Variants in MCU observed in about 807,000 individuals in gnomAD.
MCU encodes calcium uniporter protein, mitochondrial.
Under a neutral mutation model 45.2 loss-of-function variants are expected in MCU, and 12 were observed. The observed-to-expected ratio is 0.27, with a 90% CI of 0.17 to 0.43. The LOEUF (loss-of-function observed/expected upper bound fraction) is 0.43, where lower values mean the gene tolerates loss of function less well. MCU is among the 20% of genes least tolerant of loss of function. The probability of loss-of-function intolerance (pLI) is 1.00; values close to 1 mark genes in which losing one functional copy is unlikely to be tolerated. For synonymous variants in MCU, 160 were observed against 165.1 expected (o/e 0.97, Z 0.24); for missense variants, 324 against 436.7 (o/e 0.74, Z 2.30).
intron 4 of MCU, among the ~76,000 whole-genome samples, chr10:72,866,066 C>T (rs1195953938): frequency 1.3e-5 from 2 of 152,118 alleles, no homozygotes; most frequent in South Asian, 2.1e-4. Flanking sequence ...TGTGAGCCAC[C>T]ACGCCCGGCC....
intron 1 of MCU, among the ~76,000 whole-genome samples, chr10:72,779,276 A>G (rs1009110039): frequency 6.6e-6 from 1 of 152,158 alleles, no homozygotes; most frequent in Non-Finnish European, 1.5e-5. Context: ...CCTCAGAAGT[A>G]TATTTTCACA....
chr10:72,806,627 C>T lies in MCU; in HGVS notation c.151-27732C>T, dbSNP rs149638887. Among the ~76,000 whole-genome samples, 1,400 of 152,096 alleles carry T rather than the reference C, an allele frequency of 9.2e-3. 5 individuals carry two copies. The highest frequency in any genetic ancestry group is 0.015 in the Admixed American group (232 of 15,272). ...TGCATTCTAGTGGTGGTGTAGGCAG[C>T]GGGGAAGAGGGTGGGAACAATAAAT... On this transcript the variant is annotated intron_variant, in intron 1 of 7. Transcript: ENST00000373053.
chr10:72,777,331 T>TA (rs1235989202), intron 1 of MCU, among the ~76,000 whole-genome samples: 2 of 152,210 alleles, frequency 1.3e-5, no homozygotes, highest in Non-Finnish European at 2.9e-5. Flanking sequence ...AATAGCGTGA[T>TA]ACTGGCTTAA....
intron 1 of MCU, among the ~76,000 whole-genome samples, chr10:72,701,574 T>G (rs1842758826): frequency 6.6e-6 from 1 of 152,166 alleles, no homozygotes; most frequent in Non-Finnish European, 1.5e-5. Context: ...TCGCCCAGGC[T>G]GGAGTGCAGT....
intron 4 of MCU, chr10:72,861,844 C>A (rs1845381961): frequency 1.0e-5 from 3 of 288,992 alleles, no homozygotes; most frequent in Non-Finnish European, 2.0e-5. Flanking sequence ...AGAGTTAATG[C>A]AAAAAATGCA....
At chr10:72,790,093 A>G (rs1017550809) in intron 1 of MCU, among the ~76,000 whole-genome samples, 2 of 152,216 alleles carry the variant, frequency 1.3e-5, no homozygotes, top group African/African-American at 4.8e-5. Flanking sequence ...AACTTGTTCT[A>G]TGCCATGCAC....
chr10:72,710,293 T>C (rs1842875353), intron 1 of MCU, among the ~76,000 whole-genome samples: 1 of 152,166 alleles, frequency 6.6e-6, no homozygotes, highest in Non-Finnish European at 1.5e-5. Context: ...TTCTTTTTAA[T>C]GATTCTAGAG....
At chr10:72,838,633 A>T (rs546164443) in intron 2 of MCU, among the ~76,000 whole-genome samples, 1 of 152,204 alleles carries the variant, frequency 6.6e-6, no homozygotes, top group Admixed American at 6.5e-5. Context: ...ACCTTGTCTC[A>T]CACACACAAA....
chr10:72,834,302 A>G (rs1035174127), intron 1 of MCU, 57 bp from the exon 2 acceptor site: 5 of 1,289,070 alleles, frequency 3.9e-6, no homozygotes, highest in Non-Finnish European at 5.6e-6. Context: ...ATACACACAC[A>G]TAAGTATATG....
At chr10:72,715,058 C>T (rs1490083446) in intron 1 of MCU, 1 of 465,748 alleles carries the variant, frequency 2.1e-6, no homozygotes, top group Non-Finnish European at 2.8e-6. Context: ...CATTAGCAGG[C>T]TCAAGAGGGC....
intron 1 of MCU, among the ~76,000 whole-genome samples, chr10:72,774,171 A>T (rs1181026829): frequency 1.3e-5 from 2 of 152,228 alleles, no homozygotes; most frequent in African/African-American, 4.8e-5. Context: ...CCAAAATCAC[A>T]TCTATCAAAA....
At chr10:72,726,026 C>T (rs1589433856) in intron 1 of MCU, among the ~76,000 whole-genome samples, 1 of 151,984 alleles carries the variant, frequency 6.6e-6, no homozygotes, top group Non-Finnish European at 1.5e-5. Flanking sequence ...TATATCCTTC[C>T]ATATTTTTCT....
At chr10:72,764,548 T>C (rs1843698874) in intron 1 of MCU, among the ~76,000 whole-genome samples, 1 of 152,184 alleles carries the variant, frequency 6.6e-6, no homozygotes, top group African/African-American at 2.4e-5. Context: ...ACCAGATGAA[T>C]TAAGAGTTCT....
intron 2 of MCU, among the ~76,000 whole-genome samples, chr10:72,836,746 A>G (rs372060388): frequency 5.9e-5 from 9 of 152,246 alleles, no homozygotes; most frequent in South Asian, 2.1e-4. Flanking sequence ...TTATCAAGAA[A>G]TAAAAGCACA....
intron 1 of MCU, among the ~76,000 whole-genome samples, chr10:72,734,400 C>T (rs550448019): frequency 6.6e-6 from 1 of 152,084 alleles, no homozygotes; most frequent in Non-Finnish European, 1.5e-5. Context: ...AATAATATTT[C>T]CTATATATTG....
intron 1 of MCU, among the ~76,000 whole-genome samples, chr10:72,703,123 AC>A (rs747659476): frequency 5.9e-5 from 9 of 152,250 alleles, no homozygotes; most frequent in Non-Finnish European, 1.2e-4. Context: ...GTTTGTTACA[AC>A]TGGAGTATGC....
intron 6 of MCU, 138 bp downstream of exon 6, chr10:72,871,718 GTGTAT>G: frequency 2.9e-6 from 2 of 690,116 alleles, no homozygotes; most frequent in East Asian, 5.4e-5. Context: ...TGTGCCACTT[GTGTAT>G]TAGGCAATAT....
intron 1 of MCU, among the ~76,000 whole-genome samples, chr10:72,743,906 G>C (rs2132700980): frequency 6.6e-6 from 1 of 152,170 alleles, no homozygotes; most frequent in Non-Finnish European, 1.5e-5. Flanking sequence ...GGAGGATACT[G>C]TTCTATAGTA....
chr10:72,744,778 C>T (rs192191147), intron 1 of MCU, among the ~76,000 whole-genome samples: 7 of 152,268 alleles, frequency 4.6e-5, no homozygotes, highest in African/African-American at 1.2e-4. Flanking sequence ...TTTGAGCTAC[C>T]CTGCAGAGTT....
Sources: gnomAD v4.1 joint callset for allele counts (sites outside exome capture counted in the v4.1 genomes callset) on GRCh38, gnomAD v4.1.1 for gene constraint, MANE v1.5 for transcripts, NCBI Gene and HGNC (gene_info 2026-07-23, HGNC 2026-07-21) for gene names.